Variants in DNASE1L2 observed in about 807,000 individuals in gnomAD.
DNASE1L2 encodes deoxyribonuclease 1 like 2.
A neutral mutation model predicts 31.8 loss-of-function variants in DNASE1L2; 35 were observed. The observed-to-expected ratio is 1.10, with a 90% CI of 0.84 to 1.46. DNASE1L2 has a LOEUF of 1.46. Among genes scored for constraint, DNASE1L2 ranks in the 40% most tolerant of loss-of-function variants. The probability of loss-of-function intolerance (pLI) is 0.00; values close to 1 mark genes in which losing one functional copy is unlikely to be tolerated. For missense variants in DNASE1L2, 504 were observed against 418.8 expected (o/e 1.20, Z -1.77); for synonymous variants, 211 against 186.5 (o/e 1.13, Z -1.07).
chr16:2,238,063 CGGGCGCACGCA>C, intron 6 of DNASE1L2, 45 bp downstream of exon 6: 1 of 1,546,630 alleles, frequency 6.5e-7, no homozygotes, highest in Non-Finnish European at 8.7e-7. Flanking sequence ...CCCCACCGCC[CGGGCGCACGCA>C]GGCAGCAGGG....
rs1053917197 is a variant in DNASE1L2, at chr16:2,238,459, T to C, written c.*41T>C. ...GGGCATGCCACCTGCAGACCCTGGCTCTGAGGAATGGCCCAACAGTGGCCC... is the reference window on the plus strand; with the variant it reads ...GGGCATGCCACCTGCAGACCCTGGCCCTGAGGAATGGCCCAACAGTGGCCC... On this transcript the variant is annotated 3_prime_UTR_variant, in exon 7 of 7. Coordinates refer to ENST00000320700, the MANE Select transcript of DNASE1L2 (RefSeq NM_001374.3). The C allele has an allele frequency of 2.5e-6, 4 of 1,612,020 alleles. No homozygotes were observed. In the Admixed American group the frequency reaches 6.7e-5, roughly 27 times the overall value.
chr16:2,238,227 TG>T, intron 6 of DNASE1L2, 134 bp from the exon 7 acceptor site: 1 of 1,427,182 alleles, frequency 7.0e-7, no homozygotes, highest in Non-Finnish European at 9.6e-7. Context: ...GGGCCAGTGG[TG>T]ACACCCTCTG....
chr16:2,236,647 G>A (rs1596777980), intron 1 of DNASE1L2, 87 bp downstream of exon 1: 2 of 1,366,184 alleles, frequency 1.5e-6, no homozygotes, highest in South Asian at 1.8e-5. Context: ...AGAAGGCAGC[G>A]GTCCCTGAGA....
intron 1 of DNASE1L2, 87 bp downstream of exon 1, chr16:2,236,647 G>C: frequency 1.5e-6 from 2 of 1,366,302 alleles, no homozygotes; most frequent in South Asian, 3.7e-5. Context: ...AGAAGGCAGC[G>C]GTCCCTGAGA....
At position 2,236,841 on chromosome 16, in the gene DNASE1L2, G is replaced by T; in HGVS notation, c.25G>T (p.Ala9Ser). Reference protein sequence around the residue: MGGPRALLAALWALEAAGT... With the variant: MGGPRALLSALWALEAAGT... The stretch of plus-strand genomic sequence containing the variant: ...CATGGGCGGGCCCCGGGCTCTGCTG[G>T]CCGCACTCTGGGCGCTGGAAGCCGC... The change falls in exon 2 of 7, where the codon GCC (alanine) becomes TCC (serine). Residue 9 changes from alanine (A) to serine (S), a missense_variant. Coordinates refer to ENST00000320700, the MANE Select transcript of DNASE1L2 (RefSeq NM_001374.3). 1 of 1,599,108 alleles carries T rather than the reference G, an allele frequency of 6.3e-7. No homozygotes were observed.
chr16:2,237,302 G>T lies in DNASE1L2; in HGVS notation c.317+1G>T, dbSNP rs1387850279. 18 of 1,587,700 alleles carry T rather than the reference G, an allele frequency of 1.1e-5. No homozygotes were observed. Among genetic ancestry groups the T allele is most frequent in the Non-Finnish European group, 1.5e-5 (18 of 1,168,188 alleles). On this transcript the variant is annotated splice_donor_variant, in intron 4 of 6. Transcript: ENST00000320700. LOFTEE classifies it high-confidence loss of function. Reference sequence around the variant, plus strand: ...AGGAGATGTACCTGTTCGTGTACAGGTGAGGGGCGGGCCGCAGGGAGGGGC... The same window carrying T: ...AGGAGATGTACCTGTTCGTGTACAGTTGAGGGGCGGGCCGCAGGGAGGGGC...
chr16:2,237,314 C>T lies in DNASE1L2; in HGVS notation c.317+13C>T, dbSNP rs1321656042. 6.3e-7 allele frequency: 1 copy of T among 1,588,916 alleles called. No homozygotes were observed. The highest frequency in any genetic ancestry group is 8.6e-7 in the Non-Finnish European group (1 of 1,168,814). On this transcript the variant is annotated intron_variant, in intron 4 of 6. Coordinates refer to ENST00000320700, the MANE Select transcript of DNASE1L2 (RefSeq NM_001374.3). ...TGTTCGTGTACAGGTGAGGGGCGGG[C>T]CGCAGGGAGGGGCGCGCGGGGCCGC...
rs2141489857 is a variant in DNASE1L2 at position 2,238,473 on chromosome 16, C to T, written c.*55C>T. On this transcript the variant is annotated 3_prime_UTR_variant, in exon 7 of 7. Transcript: ENST00000320700. Reference sequence around the variant, plus strand: ...CAGACCCTGGCTCTGAGGAATGGCCCAACAGTGGCCCCTTCAGGGTGGCAG... The same window carrying T: ...CAGACCCTGGCTCTGAGGAATGGCCTAACAGTGGCCCCTTCAGGGTGGCAG... The T allele has an allele frequency of 1.2e-6, 2 of 1,606,440 alleles. No individual in the cohort carries two copies. The highest frequency in any genetic ancestry group is 4.5e-5 in the East Asian group (2 of 44,824).
rs767803923 is a variant in DNASE1L2 at position 2,237,233 on chromosome 16, G to C, written c.249G>C (p.Glu83Asp). ...GTCTCCGCAGCGTGTCCGAGCACGA[G>C]TACAGCTTTGTGAGCAGCCAGCCCC... ...MEQINSVSEH[E>D]YSFVSSQPLG... is the part of the protein sequence containing the mutation. The change falls in exon 4 of 7, where the codon GAG becomes GAC. Residue 83 changes from glutamate (E) to aspartate (D), a missense_variant. Transcript: ENST00000320700. 1.9e-6 allele frequency: 3 copies of C among 1,579,794 alleles called. No individual in the cohort carries two copies. Among genetic ancestry groups the C allele is most frequent in the Non-Finnish European group, 2.6e-6 (3 of 1,163,660 alleles).
At position 2,237,910 on chromosome 16, in the gene DNASE1L2, C is replaced by T. The variant is rs779672417; in HGVS notation, c.735C>T (p.Cys245=). 1 of 1,612,034 alleles carries T rather than the reference C, an allele frequency of 6.2e-7. No homozygotes were observed. The highest frequency in any genetic ancestry group is 8.5e-7 in the Non-Finnish European group (1 of 1,179,694). The change falls in exon 6 of 7, where the codon TGC becomes TGT. Residue 245 remains cysteine, a synonymous_variant. Coordinates refer to ENST00000320700, the MANE Select transcript of DNASE1L2 (RefSeq NM_001374.3). ...ACACCACGGTGGGCAACTCAGACTG[C>T]GCCTACGACCGCATTGTGGCCTGTG... ...SADTTVGNSD[C]AYDRIVACGA... is the part of the protein sequence containing the mutation.
Position 2,237,405 on chromosome 16 carries a change from A to C in DNASE1L2, c.347A>C (p.Tyr116Ser). 1 of 1,600,494 alleles carries C rather than the reference A, an allele frequency of 6.2e-7. No homozygotes were observed. The highest frequency in any genetic ancestry group is 8.5e-7 in the Non-Finnish European group (1 of 1,176,706). ...GACGCGGTGTCGGTCGTGGACACCT[A>C]CCTGTACCCAGACCCCGAGGACGTC... Reference protein sequence around the residue: ...RKDAVSVVDTYLYPDPEDVFS... With the variant: ...RKDAVSVVDTSLYPDPEDVFS... Residue 116 changes from tyrosine (Y) to serine (S), a missense_variant, in exon 5 of 7, where the codon TAC (tyrosine) becomes TCC (serine). Coordinates refer to ENST00000320700, the MANE Select transcript of DNASE1L2 (RefSeq NM_001374.3).
rs1344872056 is a variant in DNASE1L2, at chr16:2,238,657, C to T, written c.*239C>T. On this transcript the variant is annotated 3_prime_UTR_variant, in exon 7 of 7. Transcript: ENST00000320700. ...TGAGCCCCATGAGGGGTGCAGGGGG[C>T]ACTGCCCGGCAGATGTCTGCTCAAT... 3 of 576,340 alleles carry T rather than the reference C, an allele frequency of 5.2e-6. No homozygotes were observed. Among genetic ancestry groups the T allele is most frequent in the African/African-American group, 3.8e-5 (2 of 53,316 alleles). 35.7% of individuals were successfully genotyped at this position (576,340 alleles called of 1,614,324 possible). A position where few individuals can be genotyped will look rare whatever the true frequency, so the allele number is the denominator to read the frequency against.
At position 2,237,645 on chromosome 16, in the gene DNASE1L2, C is replaced by T; in HGVS notation, c.587C>T (p.Thr196Ile). 3 of 1,597,684 alleles carry T rather than the reference C, an allele frequency of 1.9e-6. No homozygotes were observed. The highest frequency in any genetic ancestry group is 2.6e-6 in the Non-Finnish European group (3 of 1,169,322). The change falls in exon 5 of 7, where the codon ACC (threonine) becomes ATC (isoleucine). Residue 196 changes from threonine to isoleucine, a missense_variant. Physicochemically the swap from Thr to Ile is moderately conservative, Grantham distance 89 (BLOSUM62 -1). Coordinates refer to ENST00000320700, the MANE Select transcript of DNASE1L2 (RefSeq NM_001374.3). ...VYLDVIDKWG[T>I]DDMLFLGDFN... ...CTGGACGTGATCGACAAGTGGGGCACCGACGTAAGCCCACCCCTCGGTCCC... is the reference window on the plus strand; with the variant it reads ...CTGGACGTGATCGACAAGTGGGGCATCGACGTAAGCCCACCCCTCGGTCCC...
chr16:2,238,250 G>C, intron 6 of DNASE1L2, 112 bp from the exon 7 acceptor site: 2 of 1,492,692 alleles, frequency 1.3e-6, no homozygotes, highest in Non-Finnish European at 9.2e-7. Flanking sequence ...CCCGGCCCCT[G>C]CCCCTGCCCC....
chr16:2,237,690 C>T (rs2093516680), intron 5 of DNASE1L2, 41 bp downstream of exon 5: 4 of 1,589,168 alleles, frequency 2.5e-6, no homozygotes, highest in South Asian at 2.3e-5. Flanking sequence ...GCAGGCGCGC[C>T]CCGGGGGTCT....
chr16:2,237,099 T>TG lies in DNASE1L2; in HGVS notation c.207dup (p.Ser70ValfsTer72). On this transcript the variant is annotated frameshift_variant, in exon 3 of 7. Coordinates refer to ENST00000320700, the MANE Select transcript of DNASE1L2 (RefSeq NM_001374.3). LOFTEE classifies it high-confidence loss of function. ...GTGCGAGACCCAGACCTCAGCGCCG[T>TG]GTCCGCGCTCATGGAGCAGATCAAC... 3.2e-6 allele frequency: 5 copies of TG among 1,549,902 alleles called. No individual in the cohort carries two copies. The South Asian group carries it at 5.9e-5, about 18-fold the overall frequency.
Position 2,237,505 on chromosome 16 carries a change from C to G in DNASE1L2, c.447C>G (p.Arg149=). The G allele has an allele frequency of 1.3e-6, 2 of 1,543,800 alleles. No homozygotes were observed. Among genetic ancestry groups the G allele is most frequent in the Non-Finnish European group, 1.8e-6 (2 of 1,133,478 alleles). The change falls in exon 5 of 7, where the codon CGC becomes CGG. Residue 149 remains arginine, a synonymous_variant. Coordinates refer to ENST00000320700, the MANE Select transcript of DNASE1L2 (RefSeq NM_001374.3). The stretch of plus-strand genomic sequence containing the variant: ...AGCGGGCCCCGCCCCTCCCCTCCCG[C>G]CGAGCTCTGACGCCCCCACCCCTTC... ...TGERAPPLPS[R]RALTPPPLPA... is the part of the protein sequence containing the mutation.
intron 5 of DNASE1L2, 53 bp downstream of exon 5, chr16:2,237,702 GTT>G (rs1439378767): frequency 6.3e-7 from 1 of 1,591,842 alleles, no homozygotes; most frequent in Non-Finnish European, 8.6e-7. Context: ...CGGGGGTCTG[GTT>G]CATGAGGGCG....
intron 6 of DNASE1L2, 144 bp from the exon 7 acceptor site, chr16:2,238,218 G>C: frequency 7.1e-7 from 1 of 1,416,368 alleles, no homozygotes; most frequent in Non-Finnish European, 9.6e-7. Context: ...TCCCTCAAAG[G>C]GCCAGTGGTG....
Sources: allele counts gnomAD v4.1 joint callset, GRCh38; gene constraint gnomAD v4.1.1; transcripts MANE v1.5; gene names NCBI Gene and HGNC (gene_info 2026-07-23, HGNC 2026-07-21).